Variants in SYT16 observed in about 807,000 individuals in gnomAD.
The protein encoded by SYT16 is synaptotagmin-16.
Under a neutral mutation model 61.4 loss-of-function variants are expected in SYT16, and 42 were observed. That is an observed-to-expected ratio of 0.68 (90% CI 0.53 to 0.89). The LOEUF (loss-of-function observed/expected upper bound fraction) is 0.89. Among genes scored for constraint, SYT16 ranks in the 40% least tolerant of loss-of-function variants. SYT16 has a pLI of 0.00. For synonymous variants in SYT16, 314 were observed against 302.3 expected, an observed-to-expected ratio of 1.04 and a Z score of -0.40; for missense variants, 804 against 807.3, an observed-to-expected ratio of 1.00 and a Z score of 0.05.
intron 2 of SYT16, among the ~76,000 whole-genome samples, chr14:61,976,339 C>T (rs1033508009): frequency 2.0e-5 from 3 of 152,152 alleles, no homozygotes; most frequent in African/African-American, 4.8e-5. Context: ...GATAGGGGCC[C>T]TCTCCTTACA....
chr14:62,021,916 T>A (rs572486493), intron 3 of SYT16, among the ~76,000 whole-genome samples: 2 of 152,346 alleles, frequency 1.3e-5, no homozygotes, highest in Admixed American at 6.5e-5. Context: ...AAGCAAATTC[T>A]AGTATCTTGT....
rs1345311949 is a variant in SYT16 at position 62,103,313 on chromosome 14, C to G, written c.*2606C>G. On this transcript the variant is annotated 3_prime_UTR_variant, in exon 8 of 8. Coordinates refer to ENST00000683842, the MANE Select transcript of SYT16 (RefSeq NM_001367656.1). Reference sequence around the variant, plus strand: ...GTTCTGCAGTAAAAAACTGCTTTTGCCTATTTCTTCCAGCTAATGATTAAT... The same window carrying G: ...GTTCTGCAGTAAAAAACTGCTTTTGGCTATTTCTTCCAGCTAATGATTAAT... 1.3e-5 allele frequency: 2 copies of G among 152,162 alleles called. No individual in the cohort carries two copies. The highest frequency in any genetic ancestry group is 2.4e-5 in the African/African-American group (1 of 41,438). The allele number at this position is 152,162 out of a possible 1,614,324, so 9.4% of individuals were successfully genotyped here.
At chr14:61,857,848 A>C (rs1030732716) in intron 1 of SYT16, among the ~76,000 whole-genome samples, 2 of 152,202 alleles carry the variant, frequency 1.3e-5, no homozygotes, top group South Asian at 4.1e-4. Flanking sequence ...GGGAAGAAAG[A>C]GTATATGGAA....
chr14:62,090,516 T>C (rs2057036826), intron 7 of SYT16, among the ~76,000 whole-genome samples: 1 of 152,180 alleles, frequency 6.6e-6, no homozygotes. Context: ...CATATGACCT[T>C]CTTTTAGAAT....
intron 1 of SYT16, among the ~76,000 whole-genome samples, chr14:61,914,295 C>T (rs932207077): frequency 7.2e-5 from 11 of 152,150 alleles, no homozygotes; most frequent in Admixed American, 1.3e-4. Context: ...GCACAGATGA[C>T]GCACTATTTT....
At chr14:61,817,649 A>C (rs2045484883) in intron 1 of SYT16, among the ~76,000 whole-genome samples, 3 of 152,170 alleles carry the variant, frequency 2.0e-5, no homozygotes, top group Non-Finnish European at 4.4e-5. Flanking sequence ...CACTAAATGC[A>C]ATGGATGATT....
At chr14:61,838,104 G>A (rs1431996745) in intron 1 of SYT16, among the ~76,000 whole-genome samples, 1 of 152,198 alleles carries the variant, frequency 6.6e-6, no homozygotes, top group African/African-American at 2.4e-5. Context: ...GAGAGATACT[G>A]TACTTTTCCT....
intron 7 of SYT16, among the ~76,000 whole-genome samples, chr14:62,085,266 A>G (rs2056847149): frequency 6.6e-6 from 1 of 152,156 alleles, no homozygotes; most frequent in African/African-American, 2.4e-5. Context: ...CAGGAAGATG[A>G]TTTCTTTTTT....
chr14:61,948,344 C>T (rs1448138192), intron 1 of SYT16, among the ~76,000 whole-genome samples: 1 of 151,884 alleles, frequency 6.6e-6, no homozygotes, highest in Non-Finnish European at 1.5e-5. Flanking sequence ...AAGTCCTCTC[C>T]ATCAGAGACC....
chr14:62,057,163 T>C (rs1472248054), intron 3 of SYT16, among the ~76,000 whole-genome samples: 3 of 152,176 alleles, frequency 2.0e-5, no homozygotes, highest in African/African-American at 4.8e-5. Flanking sequence ...TAGGTCTGCC[T>C]TTCCCAGTTC....
chr14:61,841,618 C>T (rs528141743), intron 1 of SYT16, among the ~76,000 whole-genome samples: 3 of 152,284 alleles, frequency 2.0e-5, no homozygotes, highest in South Asian at 4.1e-4. Flanking sequence ...TACCCATCAA[C>T]CAAATATTGG....
chr14:61,924,129 T>G (rs892868164), intron 1 of SYT16, among the ~76,000 whole-genome samples: 5 of 152,174 alleles, frequency 3.3e-5, no homozygotes, highest in African/African-American at 1.2e-4. Flanking sequence ...ACAGTCCCTT[T>G]AAATGACTGT....
chr14:62,079,415 T>C (rs980180520), intron 5 of SYT16: 2 of 1,060,360 alleles, frequency 1.9e-6, no homozygotes, highest in Admixed American at 5.6e-5. Flanking sequence ...TTTTACAACA[T>C]CCCTACACAG....
intron 1 of SYT16, among the ~76,000 whole-genome samples, chr14:61,875,448 C>T (rs568090239): frequency 3.9e-5 from 6 of 152,202 alleles, no homozygotes; most frequent in South Asian, 4.1e-4. Context: ...TGAAGGGTAA[C>T]GAAAACTTCA....
At chr14:61,959,885 A>C (rs1363287590) in intron 1 of SYT16, among the ~76,000 whole-genome samples, 1 of 152,160 alleles carries the variant, frequency 6.6e-6, no homozygotes, top group East Asian at 1.9e-4. Context: ...GCTGGAGTGC[A>C]GTGGTGCAAT....
At chr14:62,048,109 A>AT (rs957881561) in intron 3 of SYT16, among the ~76,000 whole-genome samples, 4 of 151,908 alleles carry the variant, frequency 2.6e-5, no homozygotes, top group South Asian at 2.1e-4. Context: ...CTGGTCCTGG[A>AT]TTTTTTTTGG....
chr14:62,010,335 G>A (rs533016518), intron 3 of SYT16, among the ~76,000 whole-genome samples: 2 of 152,272 alleles, frequency 1.3e-5, no homozygotes, highest in Admixed American at 1.3e-4. Flanking sequence ...TTAGATGAAT[G>A]CTACCTTAAT....
At chr14:61,853,475 G>A (rs541285184) in intron 1 of SYT16, among the ~76,000 whole-genome samples, 1 of 152,182 alleles carries the variant, frequency 6.6e-6, no homozygotes, top group Non-Finnish European at 1.5e-5. Context: ...CATGAGGGCA[G>A]AACCTTCATA....
intron 6 of SYT16, among the ~76,000 whole-genome samples, chr14:62,083,117 C>T (rs1263223251): frequency 6.7e-6 from 1 of 150,206 alleles, no homozygotes. Flanking sequence ...CTAGCCCTGC[C>T]GTTTACAAAC....
Sources: gnomAD v4.1 joint callset for allele counts (sites outside exome capture counted in the v4.1 genomes callset) on GRCh38, gnomAD v4.1.1 for gene constraint, MANE v1.5 for transcripts, NCBI Gene and HGNC (gene_info 2026-07-23, HGNC 2026-07-21) for gene names.